Variants in CCDC141 observed in about 807,000 individuals in gnomAD.
CCDC141 encodes the protein coiled-coil domain containing 141.
Under a neutral mutation model 181.0 loss-of-function variants are expected in CCDC141, and 168 were observed. That is an observed-to-expected ratio of 0.93 (90% confidence interval 0.82 to 1.05). The LOEUF (loss-of-function observed/expected upper bound fraction) is 1.05, where lower values mean the gene tolerates loss of function less well. CCDC141 is among the 50% of genes least tolerant of loss of function. The pLI, the probability that CCDC141 is intolerant of heterozygous loss-of-function variation, is 0.00. For missense variants in CCDC141, 1,902 were observed against 1,788.5 expected (o/e 1.06, Z -1.14); for synonymous variants, 666 against 642.3 (o/e 1.04, Z -0.56).
chr2:179,017,281 T>C (rs1315848543), intron 2 of CCDC141, among the ~76,000 whole-genome samples: 1 of 152,144 alleles, frequency 6.6e-6, no homozygotes, highest in Non-Finnish European at 1.5e-5. Context: ...GAGACACCTG[T>C]GTTAAGGAAC....
chr2:178,904,432 C>T (rs112800034), intron 8 of CCDC141, among the ~76,000 whole-genome samples: 4 of 152,250 alleles, frequency 2.6e-5, no homozygotes, highest in African/African-American at 9.6e-5. Flanking sequence ...CCTTTAAACT[C>T]GTCTAAAATA....
intron 2 of CCDC141, among the ~76,000 whole-genome samples, chr2:179,040,323 C>T (rs1316662118): frequency 6.6e-6 from 1 of 152,200 alleles, no homozygotes; most frequent in African/African-American, 2.4e-5. Context: ...AATTCTAGAA[C>T]CAGTGTCTTC....
chr2:179,011,558 CAG>C (rs767002007), intron 2 of CCDC141, among the ~76,000 whole-genome samples: 15 of 152,078 alleles, frequency 9.9e-5, no homozygotes, highest in Non-Finnish European at 2.1e-4. Flanking sequence ...ACACACTAGA[CAG>C]ATCATCAAGA....
chr2:178,983,081 G>C (rs1691512920), intron 2 of CCDC141, among the ~76,000 whole-genome samples: 1 of 152,218 alleles, frequency 6.6e-6, no homozygotes, highest in Non-Finnish European at 1.5e-5. Flanking sequence ...CAGCTTTGAA[G>C]AGAGCAGTGG....
chr2:178,823,105 A>T, the CCDC141 span, among the ~76,000 whole-genome samples: 1 of 152,152 alleles, frequency 6.6e-6, no homozygotes, highest in African/African-American at 2.4e-5. Flanking sequence ...CCTTCCATAA[A>T]ACAAACCACT....
At chr2:179,001,022 G>T (rs1417279497) in intron 2 of CCDC141, among the ~76,000 whole-genome samples, 1 of 152,074 alleles carries the variant, frequency 6.6e-6, no homozygotes, top group South Asian at 2.1e-4. Context: ...ATGCTCATTT[G>T]CCCAGGTCCA....
chr2:178,922,767 C>T (rs1181995447), intron 6 of CCDC141, among the ~76,000 whole-genome samples: 1 of 152,198 alleles, frequency 6.6e-6, no homozygotes, highest in Admixed American at 6.5e-5. Context: ...TGGAGTAGAG[C>T]CAAGCCTTTG....
chr2:178,934,482 A>G (rs1315138207), intron 6 of CCDC141, among the ~76,000 whole-genome samples: 1 of 152,088 alleles, frequency 6.6e-6, no homozygotes, highest in Non-Finnish European at 1.5e-5. Context: ...CTGCTATTTC[A>G]TTGTCTCTTA....
Position 178,961,454 on chromosome 2 carries a change from T to G in CCDC141, c.556A>C (p.Asn186His), listed in dbSNP as rs1437903120. 2 of 1,550,118 alleles carry G rather than the reference T, an allele frequency of 1.3e-6. No individual in the cohort carries two copies. The highest frequency in any genetic ancestry group is 2.7e-5 in the African/African-American group (2 of 73,008). Reference sequence around the variant, plus strand: ...AAGTCAGTGAGTTGTTGACTTTTGTTTAAAAGGGCTAAAGACCGTTCCAAG... The same window carrying G: ...AAGTCAGTGAGTTGTTGACTTTTGTGTAAAAGGGCTAAAGACCGTTCCAAG... ...ELLERSLALL[N>H]KSQQLTDFIE... The change falls in exon 5 of 24, where the codon AAC becomes CAC. Residue 186 changes from asparagine (N) to histidine (H), a missense_variant. Transcript: ENST00000443758.
intron 7 of CCDC141, among the ~76,000 whole-genome samples, chr2:178,909,016 C>T (rs533182806): frequency 9.5e-4 from 144 of 152,300 alleles, no homozygotes; most frequent in African/African-American, 3.3e-3. Flanking sequence ...CCCACATGGG[C>T]CTTTCCTCTG....
chr2:178,879,059 G>T (rs936347705), intron 11 of CCDC141, among the ~76,000 whole-genome samples: 3 of 152,130 alleles, frequency 2.0e-5, no homozygotes, highest in Non-Finnish European at 2.9e-5. Flanking sequence ...AAATTACTAT[G>T]CCTCCCTGGA....
intron 14 of CCDC141, among the ~76,000 whole-genome samples, chr2:178,870,492 A>T (rs1686069157): frequency 6.6e-6 from 1 of 152,172 alleles, no homozygotes; most frequent in Non-Finnish European, 1.5e-5. Flanking sequence ...GCAAACGTGC[A>T]CACAAACAAA....
Position 178,851,430 on chromosome 2 carries a change from G to A in CCDC141, c.3245-1269C>T, listed in dbSNP as rs1056102032. ...ATTTGGAAATGAGATCTTTAAAGAG[G>A]TGGTTAAATTAAAATGAGGCCATTG... On this transcript the variant is annotated intron_variant, in intron 20 of 23. Transcript: ENST00000443758. Among the ~76,000 whole-genome samples, 3 of 152,094 alleles carry A rather than the reference G, an allele frequency of 2.0e-5. No individual in the cohort carries two copies. The East Asian group carries it at 5.8e-4, about 29-fold the overall frequency.
chr2:178,818,447 G>C, the CCDC141 span, among the ~76,000 whole-genome samples: 1 of 152,016 alleles, frequency 6.6e-6, no homozygotes, highest in East Asian at 1.9e-4. Flanking sequence ...ACCCTCAACA[G>C]GCCCCAAGGT....
At chr2:178,939,515 A>C (rs1477106157) in intron 6 of CCDC141, among the ~76,000 whole-genome samples, 2 of 152,070 alleles carry the variant, frequency 1.3e-5, no homozygotes, top group African/African-American at 4.8e-5. Flanking sequence ...TGGATAGAAA[A>C]TAGTACCCTC....
At chr2:178,838,505 A>G (rs1296842247) in intron 22 of CCDC141, among the ~76,000 whole-genome samples, 3 of 152,154 alleles carry the variant, frequency 2.0e-5, no homozygotes, top group Non-Finnish European at 2.9e-5. Flanking sequence ...GCAATTCTTC[A>G]TGACTAGTTT....
chr2:178,916,931 T>G (rs1688477625), intron 7 of CCDC141, among the ~76,000 whole-genome samples: 1 of 151,772 alleles, frequency 6.6e-6, no homozygotes, highest in Non-Finnish European at 1.5e-5. Context: ...CACTCTCTTC[T>G]TCTTCTTCTT....
intron 2 of CCDC141, among the ~76,000 whole-genome samples, chr2:178,982,375 C>G (rs1320185453): frequency 6.6e-6 from 1 of 152,038 alleles, no homozygotes; most frequent in Non-Finnish European, 1.5e-5. Context: ...GAATAAAATA[C>G]CTAGGAATAC....
At chr2:178,870,864 G>C (rs1044844015) in intron 14 of CCDC141, among the ~76,000 whole-genome samples, 2 of 152,180 alleles carry the variant, frequency 1.3e-5, no homozygotes, top group African/African-American at 4.8e-5. Flanking sequence ...GAGGCAGGAG[G>C]TGGGGAAATA....
Sources: allele counts gnomAD v4.1 joint callset (sites outside exome capture counted in the v4.1 genomes callset), GRCh38; gene constraint gnomAD v4.1.1; transcripts MANE v1.5; gene names NCBI Gene and HGNC (gene_info 2026-07-23, HGNC 2026-07-21).